The following CAMK4 variants were observed in gnomAD, a reference collection of about 807,000 sequenced individuals.
CAMK4 encodes calcium/calmodulin dependent protein kinase IV, also known as calcium/calmodulin-dependent protein kinase type IV.
CAMK4 carries 22 observed loss-of-function variants against 44.9 expected under a neutral mutation model. The observed-to-expected ratio is 0.49, with a 90% confidence interval of 0.35 to 0.70. The LOEUF (loss-of-function observed/expected upper bound fraction) is 0.70. Among genes scored for constraint, CAMK4 ranks in the 30% least tolerant of loss-of-function variants. The pLI is 0.01. For synonymous variants in CAMK4, 218 were observed against 215.4 expected (o/e 1.01, Z -0.11); for missense variants, 498 against 586.8 (o/e 0.85, Z 1.56).
chr5:111,374,767 A>G (rs1580669213), intron 2 of CAMK4, 83 bp from the exon 3 acceptor site: 7 of 828,468 alleles, frequency 8.4e-6, no homozygotes, highest in South Asian at 8.4e-5. Context: ...TGATTCACCC[A>G]GGTAGTTATT....
intron 4 of CAMK4, among the ~76,000 whole-genome samples, chr5:111,393,679 C>T (rs1266194995): frequency 6.6e-6 from 1 of 151,914 alleles, no homozygotes; most frequent in Admixed American, 6.6e-5. Context: ...AATACATGGA[C>T]ACAGAGAGGA....
chr5:111,277,176 G>T (rs1370027557), intron 1 of CAMK4, among the ~76,000 whole-genome samples: 1 of 152,178 alleles, frequency 6.6e-6, no homozygotes, highest in Non-Finnish European at 1.5e-5. Context: ...CAGACAGAAC[G>T]CATGAAGCTC....
At chr5:111,249,674 G>A (rs201196914) in intron 1 of CAMK4, among the ~76,000 whole-genome samples, 28,185 of 140,156 alleles carry the variant, frequency 0.2, 3,454 homozygotes, top group Non-Finnish European at 0.28. Flanking sequence ...ATATGTGTGT[G>A]TGTGTGTGTG....
chr5:111,253,972 A>C (rs1431456637), intron 1 of CAMK4, among the ~76,000 whole-genome samples: 1 of 152,130 alleles, frequency 6.6e-6, no homozygotes, highest in Non-Finnish European at 1.5e-5. Context: ...TTTTCTTTTC[A>C]CCTGGAAAAA....
At chr5:111,280,254 T>G (rs1057437275) in intron 1 of CAMK4, among the ~76,000 whole-genome samples, 2 of 151,730 alleles carry the variant, frequency 1.3e-5, no homozygotes, top group African/African-American at 4.8e-5. Flanking sequence ...CAGGCTATAG[T>G]GATAACATCT....
intron 1 of CAMK4, among the ~76,000 whole-genome samples, chr5:111,326,843 A>G (rs1409689417): frequency 6.6e-6 from 1 of 152,062 alleles, no homozygotes; most frequent in East Asian, 1.9e-4. Context: ...ATAAATTATT[A>G]TGTAATTAAT....
chr5:111,360,198 T>G (rs916368485), intron 2 of CAMK4, among the ~76,000 whole-genome samples: 1 of 152,108 alleles, frequency 6.6e-6, no homozygotes. Context: ...TTTAAGAGTC[T>G]CTTTTAGTTT....
At chr5:111,245,435 G>C (rs1749191342) in intron 1 of CAMK4, among the ~76,000 whole-genome samples, 1 of 152,116 alleles carries the variant, frequency 6.6e-6, no homozygotes, top group African/African-American at 2.4e-5. Context: ...TTATTCACAT[G>C]CCTATATCTA....
intron 2 of CAMK4, among the ~76,000 whole-genome samples, chr5:111,372,343 G>T (rs561246146): frequency 5.3e-5 from 8 of 152,144 alleles, no homozygotes; most frequent in African/African-American, 1.7e-4. Flanking sequence ...CCCATTCTTG[G>T]CCTTGTCATG....
chr5:111,474,885 G>T (rs138834876), intron 8 of CAMK4, among the ~76,000 whole-genome samples: 1 of 152,098 alleles, frequency 6.6e-6, no homozygotes, highest in East Asian at 1.9e-4. Context: ...GAGAGGGGCC[G>T]GGCACAGTGG....
chr5:111,353,556 G>A (rs926022396), intron 2 of CAMK4, among the ~76,000 whole-genome samples: 7 of 152,046 alleles, frequency 4.6e-5, no homozygotes, highest in Non-Finnish European at 7.4e-5. Context: ...CTTGGTAGAA[G>A]TAAAATTGTC....
chr5:111,297,124 G>A (rs982469985), intron 1 of CAMK4, among the ~76,000 whole-genome samples: 16 of 152,156 alleles, frequency 1.1e-4, no homozygotes, highest in Non-Finnish European at 2.1e-4. Context: ...AAACTAAAAT[G>A]CGAACTAGAA....
intron 5 of CAMK4, among the ~76,000 whole-genome samples, chr5:111,402,055 C>G (rs1484886819): frequency 6.6e-6 from 1 of 152,196 alleles, no homozygotes; most frequent in African/African-American, 2.4e-5. Context: ...AACGACCTGC[C>G]ACTGCAGGAT....
rs187282765 is a variant in CAMK4 at position 111,326,424 on chromosome 5, A to G, written c.162-17600A>G. ...GAAATAAAAATAGAAATAACCTTAT[A>G]TCTGTTAAGTAAATACATTTTCTAT... On this transcript the variant is annotated intron_variant, in intron 1 of 10. Transcript: ENST00000282356. 7.2e-5 allele frequency among the ~76,000 whole-genome samples: 11 copies of G among 152,134 alleles called. No individual in the cohort carries two copies. In the East Asian group the frequency reaches 1.9e-3, roughly 27 times the overall value.
intron 2 of CAMK4, 92 bp downstream of exon 2, chr5:111,344,194 C>G: frequency 1.4e-6 from 1 of 726,934 alleles, no homozygotes; most frequent in Non-Finnish European, 2.3e-6. Context: ...GGCCAGAGAG[C>G]TGCTGTGTGC....
chr5:111,396,744 G>A (rs1752028401), intron 5 of CAMK4, among the ~76,000 whole-genome samples: 1 of 140,140 alleles, frequency 7.1e-6, no homozygotes, highest in East Asian at 2.2e-4. Flanking sequence ...AGGTTGAAGT[G>A]ATTCTCCTGC....
rs754203005 is a variant in CAMK4 at position 111,224,662 on chromosome 5, G to A, written c.161+18G>A. On this transcript the variant is annotated intron_variant, in intron 1 of 10. Coordinates refer to ENST00000282356, the MANE Select transcript of CAMK4 (RefSeq NM_001744.6). The surrounding 1 kb of genome is among the most constrained non-coding windows in gnomAD (Gnocchi z 5.7). ...CTGGGACGGTAAGGCGCGGGCTCCGGCTGGGGAAGCCCGCGGCGTGCACTG... is the reference window on the plus strand; with the variant it reads ...CTGGGACGGTAAGGCGCGGGCTCCGACTGGGGAAGCCCGCGGCGTGCACTG... The A allele has an allele frequency of 2.5e-6, 4 of 1,594,286 alleles. No homozygotes were observed. The highest frequency in any genetic ancestry group is 2.6e-6 in the Non-Finnish European group (3 of 1,171,044).
At chr5:111,333,328 A>G (rs971468572) in intron 1 of CAMK4, among the ~76,000 whole-genome samples, 1 of 151,686 alleles carries the variant, frequency 6.6e-6, no homozygotes, top group East Asian at 1.9e-4. Flanking sequence ...CACTCACAGA[A>G]AAAAAGGAAA....
At chr5:111,390,146 A>C (rs1201039471) in intron 4 of CAMK4, among the ~76,000 whole-genome samples, 1 of 152,178 alleles carries the variant, frequency 6.6e-6, no homozygotes, top group Non-Finnish European at 1.5e-5. Flanking sequence ...ATCATTCCCT[A>C]GATATTGTAA....
Sources: gnomAD v4.1 joint callset for allele counts (sites outside exome capture counted in the v4.1 genomes callset) on GRCh38, gnomAD v4.1.1 for gene constraint, Gnocchi (gnomAD v3.1) non-coding constraint, MANE v1.5 for transcripts, NCBI Gene and HGNC (gene_info 2026-07-23, HGNC 2026-07-21) for gene names.